ST8SIA6: variants seen among roughly 807,000 people sequenced by gnomAD.
The protein encoded by ST8SIA6 is ST8 alpha-N-acetyl-neuraminide alpha-2,8-sialyltransferase 6.
Under a neutral mutation model 33.6 loss-of-function variants are expected in ST8SIA6, and 39 were observed. The observed-to-expected ratio is 1.16, with a 90% CI of 0.90 to 1.52. ST8SIA6 has a LOEUF of 1.52. Among genes scored for constraint, ST8SIA6 ranks in the 40% most tolerant of loss-of-function variants. The pLI is 0.00. For missense variants in ST8SIA6, 441 were observed against 443.8 expected, an observed-to-expected ratio of 0.99 and a Z score of 0.06; for synonymous variants, 172 against 167.2, an observed-to-expected ratio of 1.03 and a Z score of -0.22.
At chr10:17,374,882 G>C (rs1849859322) in intron 3 of ST8SIA6, among the ~76,000 whole-genome samples, 1 of 151,386 alleles carries the variant, frequency 6.6e-6, no homozygotes, top group Non-Finnish European at 1.5e-5. Flanking sequence ...GGTATGAATG[G>C]CTGTTTTGTG....
chr10:17,326,915 C>T, intron 6 of ST8SIA6, 99 bp downstream of exon 6: 1 of 823,676 alleles, frequency 1.2e-6, no homozygotes, highest in Non-Finnish European at 1.8e-6. Context: ...TGTAACAGAG[C>T]TCAAAGGTGA....
At position 17,432,336 on chromosome 10, in the gene ST8SIA6, T is replaced by C. The variant is rs12242104; in HGVS notation, c.200+21223A>G. 6.2e-3 allele frequency among the ~76,000 whole-genome samples: 937 copies of C among 152,242 alleles called. 9 individuals are homozygous for C. The highest frequency in any genetic ancestry group is 0.022 in the African/African-American group (898 of 41,532). On this transcript the variant is annotated intron_variant, in intron 2 of 7. Transcript: ENST00000377602. ...AAAAGGACCACTTAGTGTGCTGTTT[T>C]GAGAATAGATTCTGGAAGGGGACAC...
rs1477756323 is a variant in ST8SIA6 at position 17,320,829 on chromosome 10, A to C, written c.*49T>G. On this transcript the variant is annotated 3_prime_UTR_variant, in exon 8 of 8. Coordinates refer to ENST00000377602, the MANE Select transcript of ST8SIA6 (RefSeq NM_001004470.3). ...CCTTTGGTGTTTGGAGACATTGTTAATCACCTACTGCATTATATTAAAATT... is the reference window on the plus strand; with the variant it reads ...CCTTTGGTGTTTGGAGACATTGTTACTCACCTACTGCATTATATTAAAATT... 1 of 1,573,972 alleles carries C rather than the reference A, an allele frequency of 6.4e-7. No individual in the cohort carries two copies. The highest frequency in any genetic ancestry group is 1.7e-5 in the Admixed American group (1 of 58,832).
At chr10:17,448,748 T>TG (rs1453040995) in intron 2 of ST8SIA6, among the ~76,000 whole-genome samples, 2 of 151,012 alleles carry the variant, frequency 1.3e-5, no homozygotes, top group African/African-American at 2.4e-5. Flanking sequence ...CCCTAGTAGC[T>TG]GGGACTACAG....
rs764990879 is a variant in ST8SIA6, at chr10:17,320,884, G to A, written c.1191C>T (p.Val397=). 6.2e-6 allele frequency: 10 copies of A among 1,613,476 alleles called. No individual in the cohort carries two copies. Among genetic ancestry groups the A allele is most frequent in the African/African-American group, 1.3e-5 (1 of 74,860 alleles). ...CCATTTTAAGATACTTTGTTTAGGC[G>A]ACTTCACATTTGCTAAATTGCAGTT... is the stretch of plus-strand genomic sequence containing the variant. ...ILKLQFSKCE[V]A The change falls in exon 8 of 8, where the codon GTC becomes GTT. Residue 397 remains valine (V), a synonymous_variant. Coordinates refer to ENST00000377602, the MANE Select transcript of ST8SIA6 (RefSeq NM_001004470.3).
chr10:17,390,344 G>T lies in ST8SIA6; in HGVS notation c.290+187C>A, dbSNP rs548220720. ...CAAATAAGTTGAGTCCCACTGCCAG[G>T]GTCTGACCCTGGTACACATTGTTTG... On this transcript the variant is annotated intron_variant, in intron 3 of 7. Coordinates refer to ENST00000377602, the MANE Select transcript of ST8SIA6 (RefSeq NM_001004470.3). Among the ~76,000 whole-genome samples the T allele has an allele frequency of 6.2e-4, 94 of 152,188 alleles. 2 individuals are homozygous for T. The highest frequency in any genetic ancestry group is 1.0e-3 in the Admixed American group (16 of 15,284).
chr10:17,380,805 GTGAA>G (rs1461606666), intron 3 of ST8SIA6, among the ~76,000 whole-genome samples: 1 of 139,842 alleles, frequency 7.2e-6, no homozygotes, highest in African/African-American at 2.6e-5. Flanking sequence ...ACATGTTTGT[GTGAA>G]TGTATGTGTA....
chr10:17,321,354 A>T lies in ST8SIA6; in HGVS notation c.729-8T>A, dbSNP rs200161734. 3.4e-4 allele frequency: 532 copies of T among 1,573,620 alleles called. 4 individuals carry two copies. The African/African-American group carries it at 6.8e-3, about 20-fold the overall frequency. On this transcript the variant is annotated splice_polypyrimidine_tract_variant and splice_region_variant and intron_variant, in intron 7 of 7. Coordinates refer to ENST00000377602, the MANE Select transcript of ST8SIA6 (RefSeq NM_001004470.3). ...TCCTTTAAGTTCCCATATCTGCCAA[A>T]TTAAAAAAAAATTATAGTAATCCCA...
At position 17,403,285 on chromosome 10, in the gene ST8SIA6, A is replaced by C. The variant is rs533800948; in HGVS notation, c.201-12665T>G. On this transcript the variant is annotated intron_variant, in intron 2 of 7. Transcript: ENST00000377602. ...TTCAGTGTGCAAAAGTGGGACCCTA[A>C]TTAGGAAATGGTGTCTTTAGGCGAG... Among the ~76,000 whole-genome samples, 16 of 152,350 alleles carry C rather than the reference A, an allele frequency of 1.1e-4. No individual in the cohort carries two copies. In the East Asian group the frequency reaches 3.1e-3, roughly 29 times the overall value.
At chr10:17,342,497 TG>T (rs1458197151) in intron 4 of ST8SIA6, among the ~76,000 whole-genome samples, 1 of 152,106 alleles carries the variant, frequency 6.6e-6, no homozygotes. Flanking sequence ...TCATATAGGA[TG>T]GATGGCAGTG....
At chr10:17,375,522 C>T (rs1187604349) in intron 3 of ST8SIA6, among the ~76,000 whole-genome samples, 1 of 152,154 alleles carries the variant, frequency 6.6e-6, no homozygotes, top group African/African-American at 2.4e-5. Context: ...AACTTTATGC[C>T]ACCCCATGAG....
At chr10:17,339,420 T>G (rs1002054301) in intron 4 of ST8SIA6, among the ~76,000 whole-genome samples, 10 of 152,210 alleles carry the variant, frequency 6.6e-5, no homozygotes, top group African/African-American at 2.2e-4. Flanking sequence ...GATAAAGAGC[T>G]ACCTTTCCAG....
At chr10:17,333,708 T>TATAGATATATATATATAG (rs1848397060) in intron 4 of ST8SIA6, among the ~76,000 whole-genome samples, 2 of 33,892 alleles carry the variant, frequency 5.9e-5, no homozygotes, top group African/African-American at 2.6e-4. Flanking sequence ...TATATATATA[T>TATAGATATATATATATAG]ATATATATAT....
At chr10:17,410,959 G>A (rs1334714987) in intron 2 of ST8SIA6, among the ~76,000 whole-genome samples, 2 of 152,070 alleles carry the variant, frequency 1.3e-5, no homozygotes, top group Non-Finnish European at 2.9e-5. Context: ...AATTAGGAAG[G>A]GTTAGCAGAG....
intron 4 of ST8SIA6, among the ~76,000 whole-genome samples, chr10:17,357,337 C>A (rs1849232467): frequency 6.6e-6 from 1 of 151,270 alleles, no homozygotes; most frequent in South Asian, 2.1e-4. Context: ...GGGGTTCCAC[C>A]ATGTTGGTCA....
intron 2 of ST8SIA6, among the ~76,000 whole-genome samples, chr10:17,449,631 C>T (rs1032160330): frequency 1.3e-5 from 2 of 152,216 alleles, no homozygotes; most frequent in African/African-American, 4.8e-5. Context: ...CATTAACCAT[C>T]TTACCTGGAA....
At chr10:17,401,876 G>A (rs1401794479) in intron 2 of ST8SIA6, among the ~76,000 whole-genome samples, 3,533 of 150,568 alleles carry the variant, frequency 0.023, 50 homozygotes, top group South Asian at 0.045. Context: ...GCATGGGCAG[G>A]GACTTCATGT....
At chr10:17,356,946 G>C (rs371350736) in intron 4 of ST8SIA6, among the ~76,000 whole-genome samples, 6 of 152,246 alleles carry the variant, frequency 3.9e-5, no homozygotes, top group Middle Eastern at 3.4e-3. Flanking sequence ...CAGATAATAA[G>C]TTATTAAATG....
intron 2 of ST8SIA6, among the ~76,000 whole-genome samples, chr10:17,425,582 A>T (rs1302629011): frequency 6.6e-6 from 1 of 151,636 alleles, no homozygotes; most frequent in African/African-American, 2.4e-5. Context: ...AGAGGAAAGA[A>T]CGAAAGGAAG....
Sources: gnomAD v4.1 joint callset for allele counts (sites outside exome capture counted in the v4.1 genomes callset) on GRCh38, gnomAD v4.1.1 for gene constraint, MANE v1.5 for transcripts, NCBI Gene and HGNC (gene_info 2026-07-23, HGNC 2026-07-21) for gene names.